The following MIPEP variants were observed in gnomAD, a reference collection of about 807,000 sequenced individuals.
MIPEP encodes the protein mitochondrial intermediate peptidase.
A neutral mutation model predicts 90.3 loss-of-function variants in MIPEP; 79 were observed. The observed-to-expected ratio is 0.87, with a 90% CI of 0.73 to 1.05. The LOEUF (loss-of-function observed/expected upper bound fraction) is 1.05, where lower values mean the gene tolerates loss of function less well. Ranked by LOEUF, MIPEP falls within the 50% of genes least tolerant of loss-of-function variation. MIPEP has a pLI of 0.00. For missense variants in MIPEP, 940 were observed against 905.6 expected (o/e 1.04, Z -0.49); for synonymous variants, 334 against 315.8 (o/e 1.06, Z -0.61).
At chr13:23,798,361 G>A (rs1002109704) in intron 16 of MIPEP, among the ~76,000 whole-genome samples, 1 of 152,166 alleles carries the variant, frequency 6.6e-6, no homozygotes, top group South Asian at 2.1e-4. Flanking sequence ...ATAGAAATTA[G>A]TCTGAATAGA....
intron 14 of MIPEP, among the ~76,000 whole-genome samples, chr13:23,812,694 G>GA (rs531265450): frequency 2.0e-5 from 3 of 152,044 alleles, no homozygotes; most frequent in African/African-American, 7.2e-5. Context: ...TACGTATTTA[G>GA]AAAAAAACAA....
chr13:23,870,308 TTAA>T (rs1870734744), intron 5 of MIPEP, 113 bp from the exon 6 acceptor site: 3 of 519,260 alleles, frequency 5.8e-6, no homozygotes, highest in South Asian at 8.7e-5. Context: ...GAATTATCAC[TTAA>T]TAAAATATTA....
intron 18 of MIPEP, among the ~76,000 whole-genome samples, chr13:23,746,868 A>G (rs1952389653): frequency 6.6e-6 from 1 of 152,182 alleles, no homozygotes; most frequent in African/African-American, 2.4e-5. Flanking sequence ...CTCAGACCTC[A>G]AAGTCAACCT....
At position 23,889,385 on chromosome 13, in the gene MIPEP, C is replaced by A; in HGVS notation, c.-65G>T. On this transcript the variant is annotated 5_prime_UTR_variant, in exon 1 of 19. Transcript: ENST00000382172. ...TGCCCTGCTGCTTTCGCTGGGAGCGCGCGCTCCGCGTTTCCAAGGCAGCAG... is the reference window on the plus strand; with the variant it reads ...TGCCCTGCTGCTTTCGCTGGGAGCGAGCGCTCCGCGTTTCCAAGGCAGCAG... 4.1e-6 allele frequency: 5 copies of A among 1,228,324 alleles called. No homozygotes were observed. The highest frequency in any genetic ancestry group is 3.1e-6 in the Non-Finnish European group (3 of 980,294). The allele number at this position is 1,228,324 out of a possible 1,614,324, so 76.1% of individuals were successfully genotyped here. A position where few individuals can be genotyped will look rare whatever the true frequency, so the allele number is the denominator to read the frequency against.
In MIPEP at chr13:23,863,817, C is replaced by A. The variant is rs766208359; in HGVS notation, c.992+324G>T. 2.6e-5 allele frequency among the ~76,000 whole-genome samples: 4 copies of A among 152,290 alleles called. No individual in the cohort carries two copies. In the East Asian group the frequency reaches 7.7e-4, roughly 29 times the overall value. On this transcript the variant is annotated intron_variant, in intron 8 of 18. Transcript: ENST00000382172. ...TTAGGCCAAAAGAAGAGAAATACTA[C>A]TTTATGAACTTGTCATAAAATTCAT... is the stretch of plus-strand genomic sequence containing the variant.
intron 10 of MIPEP, among the ~76,000 whole-genome samples, chr13:23,850,157 G>A (rs537973768): frequency 3.9e-5 from 6 of 152,332 alleles, no homozygotes; most frequent in East Asian, 1.9e-4. Context: ...GACACAGCAC[G>A]TGACAGTACT....
intron 16 of MIPEP, among the ~76,000 whole-genome samples, chr13:23,780,268 T>C (rs1240729493): frequency 1.3e-5 from 2 of 152,300 alleles, no homozygotes; most frequent in South Asian, 4.1e-4. Flanking sequence ...TCCAGAGGAA[T>C]GATCAAGCAG....
chr13:23,789,945 T>C (rs541707993), intron 16 of MIPEP, among the ~76,000 whole-genome samples: 1 of 152,350 alleles, frequency 6.6e-6, no homozygotes, highest in African/African-American at 2.4e-5. Flanking sequence ...TTTCTTCTGC[T>C]GAGCTTTCTA....
At chr13:23,763,434 T>C (rs550071892) in intron 16 of MIPEP, among the ~76,000 whole-genome samples, 259 of 152,330 alleles carry the variant, frequency 1.7e-3, no homozygotes, top group African/African-American at 5.8e-3. Flanking sequence ...ATTTTCTTCA[T>C]GGTGATTTGC....
At chr13:23,816,223 T>G (rs1386863693) in intron 14 of MIPEP, among the ~76,000 whole-genome samples, 1 of 152,210 alleles carries the variant, frequency 6.6e-6, no homozygotes, top group Non-Finnish European at 1.5e-5. Flanking sequence ...TCAGTTATTA[T>G]GCCATCAAAT....
At chr13:23,853,802 G>T (rs1013535231) in intron 10 of MIPEP, among the ~76,000 whole-genome samples, 2 of 151,562 alleles carry the variant, frequency 1.3e-5, no homozygotes, top group African/African-American at 4.8e-5. Context: ...TCCTGACCTC[G>T]TGATCCACCC....
intron 14 of MIPEP, among the ~76,000 whole-genome samples, chr13:23,824,851 A>T (rs1233193267): frequency 6.6e-6 from 1 of 152,256 alleles, no homozygotes; most frequent in East Asian, 1.9e-4. Context: ...AAACCCTTTA[A>T]AAATGCTTAC....
At chr13:23,864,119 A>T in intron 8 of MIPEP, 22 bp downstream of exon 8, 1 of 1,380,346 alleles carries the variant, frequency 7.2e-7, no homozygotes, top group Non-Finnish European at 1.0e-6. Flanking sequence ...CCAAAAAACT[A>T]AATAGTAGAA....
At position 23,889,138 on chromosome 13, in the gene MIPEP, C is replaced by A. The variant is rs1257296727; in HGVS notation, c.183G>T (p.Glu61Asp). Residue 61 changes from glutamate to aspartate, a missense_variant, in exon 1 of 19, where the codon GAG (glutamate) becomes GAT (aspartate). Coordinates refer to ENST00000382172, the MANE Select transcript of MIPEP (RefSeq NM_005932.4). ...CTCCTCCTGCGCCGCTCACCCGGCGCTCGCCGAACAGGTCCAAGCGGCTGC... is the reference window on the plus strand; with the variant it reads ...CTCCTCCTGCGCCGCTCACCCGGCGATCGCCGAACAGGTCCAAGCGGCTGC... ...PQGSRLDLFG[E>D]RRGLFGVPEL... 2 of 1,426,592 alleles carry A rather than the reference C, an allele frequency of 1.4e-6. No homozygotes were observed. The highest frequency in any genetic ancestry group is 1.8e-6 in the Non-Finnish European group (2 of 1,092,302). 88.4% of individuals were successfully genotyped at this position (1,426,592 alleles called of 1,614,324 possible). A position where few individuals can be genotyped will look rare whatever the true frequency, so the allele number is the denominator to read the frequency against.
intron 16 of MIPEP, among the ~76,000 whole-genome samples, chr13:23,765,568 C>A (rs995992833): frequency 4.6e-5 from 7 of 152,124 alleles, no homozygotes; most frequent in Non-Finnish European, 7.4e-5. Flanking sequence ...AGCGGAGGAC[C>A]CCTATAAACC....
At position 23,771,444 on chromosome 13, in the gene MIPEP, TTC is replaced by T. The variant is rs750717724; in HGVS notation, c.1849-11229_1849-11228del. Reference sequence around the variant, plus strand: ...AACAGTTTACATCTGTAAGTTCAAATTCTTTTTCTATAATTAACCAGTTTCAA... The same window carrying T: ...AACAGTTTACATCTGTAAGTTCAAATTTTTTCTATAATTAACCAGTTTCAA... On this transcript the variant is annotated intron_variant, in intron 16 of 18. Coordinates refer to ENST00000382172, the MANE Select transcript of MIPEP (RefSeq NM_005932.4). 2.0e-5 allele frequency among the ~76,000 whole-genome samples: 3 copies of T among 152,126 alleles called. 1 individual carries two copies. Among genetic ancestry groups the T allele is most frequent in the Middle Eastern group, 6.8e-3 (2 of 294 alleles).
At chr13:23,764,695 C>G (rs1181337545) in intron 16 of MIPEP, among the ~76,000 whole-genome samples, 1 of 152,058 alleles carries the variant, frequency 6.6e-6, no homozygotes, top group Admixed American at 6.5e-5. Context: ...GTAGCTGGGA[C>G]CACAAGTGTG....
In MIPEP at chr13:23,771,077, G is replaced by A. The variant is rs145835764; in HGVS notation, c.1849-10860C>T. Among the ~76,000 whole-genome samples the A allele has an allele frequency of 1.3e-3, 201 of 152,278 alleles. 1 individual carries two copies. Among genetic ancestry groups the A allele is most frequent in the Middle Eastern group, 6.8e-3 (2 of 294 alleles). Reference sequence around the variant, plus strand: ...ACTGGGGGGTGCAGACAGTAAATCCGGGATCACTGGACAGTCACACTGCAA... The same window carrying A: ...ACTGGGGGGTGCAGACAGTAAATCCAGGATCACTGGACAGTCACACTGCAA... On this transcript the variant is annotated intron_variant, in intron 16 of 18. Coordinates refer to ENST00000382172, the MANE Select transcript of MIPEP (RefSeq NM_005932.4).
intron 18 of MIPEP, among the ~76,000 whole-genome samples, chr13:23,754,389 G>C (rs951586166): frequency 6.6e-6 from 1 of 152,162 alleles, no homozygotes; most frequent in African/African-American, 2.4e-5. Flanking sequence ...TGACAGAACA[G>C]CATTAAGAAA....
Sources: allele counts gnomAD v4.1 joint callset (sites outside exome capture counted in the v4.1 genomes callset), GRCh38; gene constraint gnomAD v4.1.1; transcripts MANE v1.5; gene names NCBI Gene and HGNC (gene_info 2026-07-23, HGNC 2026-07-21).